The following EPHA6 variants were observed in gnomAD, a reference collection of about 807,000 sequenced individuals.
The protein encoded by EPHA6 is EPH receptor A6, also known as ephrin type-A receptor 6.
EPHA6 carries 50 observed loss-of-function variants against 112.0 expected under a neutral mutation model. The observed-to-expected ratio is 0.45, with a 90% CI of 0.36 to 0.56. The LOEUF (loss-of-function observed/expected upper bound fraction) is 0.56, where lower values mean the gene tolerates loss of function less well. EPHA6 is among the 20% of genes least tolerant of loss of function. EPHA6 has a pLI of 0.00. For synonymous variants in EPHA6, 529 were observed against 490.7 expected (o/e 1.08, Z -1.03); for missense variants, 1,280 against 1,417.4 (o/e 0.90, Z 1.56).
At chr3:96,835,799 T>C (rs1331458531) in intron 1 of EPHA6, among the ~76,000 whole-genome samples, 1 of 152,106 alleles carries the variant, frequency 6.6e-6, no homozygotes, top group African/African-American at 2.4e-5. Context: ...GTGAAGACTC[T>C]TAATTATTAA....
At chr3:96,820,670 C>A (rs1559747957) in intron 1 of EPHA6, among the ~76,000 whole-genome samples, 1 of 151,922 alleles carries the variant, frequency 6.6e-6, no homozygotes, top group Non-Finnish European at 1.5e-5. Flanking sequence ...TGATTCAGTT[C>A]AAACAATAAT....
intron 11 of EPHA6, among the ~76,000 whole-genome samples, chr3:97,591,217 A>G (rs905640461): frequency 6.6e-6 from 1 of 152,188 alleles, no homozygotes; most frequent in Non-Finnish European, 1.5e-5. Context: ...TAAAATACAC[A>G]TTGTAACTTT....
Position 97,298,506 on chromosome 3 carries a change from A to G in EPHA6, c.1606+54219A>G, listed in dbSNP as rs894099263. 2.0e-5 allele frequency among the ~76,000 whole-genome samples: 3 copies of G among 152,162 alleles called. No homozygotes were observed. In the East Asian group the frequency reaches 5.8e-4, roughly 29 times the overall value. On this transcript the variant is annotated intron_variant, in intron 5 of 17. Coordinates refer to ENST00000389672, the MANE Select transcript of EPHA6 (RefSeq NM_001080448.3). The stretch of plus-strand genomic sequence containing the variant: ...GTGACAGCTACTCCCTTACTTGACA[A>G]TTACTTTTAAAAAAGGAACTATACT...
intron 14 of EPHA6, among the ~76,000 whole-genome samples, chr3:97,656,579 CT>C (rs1344095521): frequency 4.6e-5 from 7 of 151,630 alleles, no homozygotes; most frequent in Non-Finnish European, 7.4e-5. Context: ...AAATAAATAC[CT>C]TTTTTTCTTT....
intron 1 of EPHA6, among the ~76,000 whole-genome samples, chr3:96,828,444 G>A (rs2033808906): frequency 6.6e-6 from 1 of 152,118 alleles, no homozygotes; most frequent in South Asian, 2.1e-4. Context: ...CATGTCAAGA[G>A]TATGAGAGGT....
At chr3:96,982,773 T>A (rs2042851095) in intron 2 of EPHA6, among the ~76,000 whole-genome samples, 1 of 152,232 alleles carries the variant, frequency 6.6e-6, no homozygotes, top group African/African-American at 2.4e-5. Flanking sequence ...GACAGTTAGC[T>A]CTTCTTGTTG....
chr3:97,053,559 A>G (rs2045755023), intron 3 of EPHA6, among the ~76,000 whole-genome samples: 1 of 152,120 alleles, frequency 6.6e-6, no homozygotes, highest in Non-Finnish European at 1.5e-5. Flanking sequence ...CCTAAGAACC[A>G]AGAAATGTTA....
chr3:97,168,865 A>G (rs1183296036), intron 3 of EPHA6, among the ~76,000 whole-genome samples: 1 of 152,172 alleles, frequency 6.6e-6, no homozygotes, highest in Admixed American at 6.6e-5. Context: ...ACCTGAAAAT[A>G]TGGAAGCAAC....
intron 4 of EPHA6, among the ~76,000 whole-genome samples, chr3:97,241,755 GT>G (rs553996537): frequency 0.21 from 24,183 of 116,806 alleles, 4,886 homozygotes; most frequent in African/African-American, 0.52. Flanking sequence ...CAGCCTTCTT[GT>G]TTTTTTTTTT....
At chr3:96,966,844 T>C (rs2042138813) in intron 2 of EPHA6, among the ~76,000 whole-genome samples, 1 of 152,078 alleles carries the variant, frequency 6.6e-6, no homozygotes, top group Non-Finnish European at 1.5e-5. Flanking sequence ...TATAAACTAT[T>C]GCATTTACTT....
intron 7 of EPHA6, among the ~76,000 whole-genome samples, chr3:97,467,632 A>T (rs558500973): frequency 6.6e-6 from 1 of 151,974 alleles, no homozygotes; most frequent in South Asian, 2.1e-4. Context: ...AGGATGAAAG[A>T]TATATGCATG....
intron 3 of EPHA6, among the ~76,000 whole-genome samples, chr3:97,146,615 T>C (rs1452791745): frequency 6.6e-6 from 1 of 152,136 alleles, no homozygotes; most frequent in South Asian, 2.1e-4. Context: ...ATAGCTACCT[T>C]ATCAACTAAG....
At chr3:97,595,674 G>A (rs1010482014) in intron 12 of EPHA6, among the ~76,000 whole-genome samples, 9 of 137,138 alleles carry the variant, frequency 6.6e-5, no homozygotes, top group African/African-American at 2.9e-4. Context: ...AATCACAGGA[G>A]AGAAGAGGAG....
At chr3:97,214,653 C>G (rs78723673) in intron 3 of EPHA6, among the ~76,000 whole-genome samples, 2,095 of 151,762 alleles carry the variant, frequency 0.014, 29 homozygotes, top group Non-Finnish European at 0.022. Context: ...AAATTATAAG[C>G]GTATTTTGAA....
intron 13 of EPHA6, among the ~76,000 whole-genome samples, chr3:97,623,422 C>T (rs1362142614): frequency 6.6e-6 from 1 of 151,638 alleles, no homozygotes; most frequent in Non-Finnish European, 1.5e-5. Flanking sequence ...TTGTATTAGT[C>T]CCTTCCTGCT....
intron 5 of EPHA6, among the ~76,000 whole-genome samples, chr3:97,285,836 T>G (rs1420121525): frequency 2.0e-5 from 3 of 152,156 alleles, no homozygotes; most frequent in Non-Finnish European, 2.9e-5. Context: ...ATGGCTGCAT[T>G]AATTTACATT....
intron 7 of EPHA6, among the ~76,000 whole-genome samples, chr3:97,470,509 T>G (rs1444231150): frequency 6.6e-6 from 1 of 151,712 alleles, no homozygotes; most frequent in Non-Finnish European, 1.5e-5. Flanking sequence ...GAAATGTAAA[T>G]ATAAACTAGA....
At chr3:96,923,357 T>G (rs987511719) in intron 2 of EPHA6, among the ~76,000 whole-genome samples, 1 of 152,256 alleles carries the variant, frequency 6.6e-6, no homozygotes, top group African/African-American at 2.4e-5. Flanking sequence ...GGTATGTCAT[T>G]GTGGTTTTGA....
chr3:97,457,961 G>T (rs1254593456), intron 7 of EPHA6, among the ~76,000 whole-genome samples: 4 of 151,482 alleles, frequency 2.6e-5, no homozygotes, highest in Non-Finnish European at 4.4e-5. Flanking sequence ...CCAGCTACTA[G>T]GGAGGCTGAG....
Sources: gnomAD v4.1 joint callset for allele counts (sites outside exome capture counted in the v4.1 genomes callset) on GRCh38, gnomAD v4.1.1 for gene constraint, MANE v1.5 for transcripts, NCBI Gene and HGNC (gene_info 2026-07-23, HGNC 2026-07-21) for gene names.